Variants in ATP13A3 observed in about 807,000 individuals in gnomAD.
ATP13A3 encodes the protein ATPase 13A3, also known as polyamine-transporting ATPase 13A3.
A neutral mutation model predicts 158.1 loss-of-function variants in ATP13A3; 59 were observed. That is an observed-to-expected ratio of 0.37 (90% CI 0.30 to 0.46). ATP13A3 has a LOEUF of 0.46. Ranked by LOEUF, ATP13A3 falls within the 20% of genes least tolerant of loss-of-function variation. The pLI, the probability that ATP13A3 is intolerant of heterozygous loss-of-function variation, is 1.00. For synonymous variants in ATP13A3, 491 were observed against 504.3 expected, an observed-to-expected ratio of 0.97 and a Z score of 0.35; for missense variants, 1,166 against 1,525.2, an observed-to-expected ratio of 0.76 and a Z score of 3.92.
chr3:194,469,747 G>A (rs1216532083), intron 2 of ATP13A3, among the ~76,000 whole-genome samples: 1 of 152,064 alleles, frequency 6.6e-6, no homozygotes, highest in Non-Finnish European at 1.5e-5. Context: ...GTGCTTTAAT[G>A]ATCTTGAAAT....
At position 194,446,997 on chromosome 3, in the gene ATP13A3, A is replaced by C; in HGVS notation, c.1427T>G (p.Ile476Ser). Reference sequence around the variant, plus strand: ...TTGAGGACTGATACAGAAAATACCGATTTTTTTCAGTCTTCTCTGAGCATA... The same window carrying C: ...TTGAGGACTGATACAGAAAATACCGCTTTTTTTCAGTCTTCTCTGAGCATA... ...IVYAQRRLKK[I>S]GIFCISPQRI... Residue 476 changes from isoleucine to serine, a missense_variant, in exon 14 of 34, where the codon ATC becomes AGC. Transcript: ENST00000645319. The C allele has an allele frequency of 1.2e-6, 2 of 1,613,720 alleles. No individual in the cohort carries two copies. The highest frequency in any genetic ancestry group is 2.7e-5 in the African/African-American group (2 of 75,026).
chr3:194,460,063 T>C lies in ATP13A3; in HGVS notation c.226-92A>G, dbSNP rs563493044. On this transcript the variant is annotated intron_variant, in intron 4 of 33. Transcript: ENST00000645319. ...TTTTCCATTCTTTACAAGACATTAT[T>C]TCCTCATCTCTAATTGAGGAAACAT... The C allele has an allele frequency of 4.0e-5, 42 of 1,050,588 alleles. No homozygotes were observed. The South Asian group carries it at 7.0e-4, about 18-fold the overall frequency. 65.1% of individuals were successfully genotyped at this position (1,050,588 alleles called of 1,614,324 possible).
intron 2 of ATP13A3, 39 bp from the exon 3 acceptor site, chr3:194,462,275 T>C (rs1408459024): frequency 1.1e-5 from 15 of 1,318,320 alleles, no homozygotes; most frequent in Non-Finnish European, 1.5e-5. Context: ...GGAACTATCT[T>C]CTATCTTAGT....
intron 24 of ATP13A3, 160 bp downstream of exon 24, chr3:194,430,781 CTT>C (rs1052424719): frequency 7.7e-6 from 4 of 517,014 alleles, no homozygotes; most frequent in African/African-American, 4.0e-5. Flanking sequence ...ACATGAGACT[CTT>C]TTAAAGCGGC....
intron 15 of ATP13A3, among the ~76,000 whole-genome samples, chr3:194,444,518 T>G (rs1718265357): frequency 6.6e-6 from 1 of 152,124 alleles, no homozygotes; most frequent in African/African-American, 2.4e-5. Flanking sequence ...CAGTAGGAAT[T>G]GGGGAAGGGA....
rs559246034 is a variant in ATP13A3, at chr3:194,403,317, TC to T, written c.*2601del. ...ATAAAACTACTATAAAAGTATTTAT[TC>T]TGTTGTTGGCTTAGCCACTTGTATT... On this transcript the variant is annotated 3_prime_UTR_variant, in exon 34 of 34. Transcript: ENST00000645319. 136 of 152,370 alleles carry T rather than the reference TC, an allele frequency of 8.9e-4. No individual in the cohort carries two copies. Among genetic ancestry groups the T allele is most frequent in the African/African-American group, 3.1e-3 (130 of 41,594 alleles). The allele number at this position is 152,370 out of a possible 1,614,324, so 9.4% of individuals were successfully genotyped here.
chr3:194,431,628 T>C, intron 22 of ATP13A3, 89 bp downstream of exon 22: 3 of 1,289,914 alleles, frequency 2.3e-6, no homozygotes, highest in Non-Finnish European at 3.1e-6. Flanking sequence ...GTTTTTGCTT[T>C]ACTGTGTTTT....
intron 31 of ATP13A3, among the ~76,000 whole-genome samples, chr3:194,416,013 A>G (rs571522936): frequency 6.6e-6 from 1 of 152,276 alleles, no homozygotes; most frequent in Non-Finnish European, 1.5e-5. Context: ...AATCATAGCA[A>G]CCTAAATCCA....
At chr3:194,471,516 G>A (rs1010357542) in intron 2 of ATP13A3, among the ~76,000 whole-genome samples, 1 of 151,974 alleles carries the variant, frequency 6.6e-6, no homozygotes, top group African/African-American at 2.4e-5. Flanking sequence ...ATCACGCCCA[G>A]CAAATTTGTT....
chr3:194,484,286 G>C (rs903601575), intron 2 of ATP13A3, among the ~76,000 whole-genome samples: 2 of 152,102 alleles, frequency 1.3e-5, no homozygotes, highest in African/African-American at 4.8e-5. Flanking sequence ...TGAAAGTGTT[G>C]AGGATTAGTT....
At chr3:194,481,496 G>C (rs546690422) in intron 2 of ATP13A3, among the ~76,000 whole-genome samples, 1 of 152,044 alleles carries the variant, frequency 6.6e-6, no homozygotes, top group Non-Finnish European at 1.5e-5. Context: ...AGACCATAAA[G>C]GATCCTTTAT....
intron 16 of ATP13A3, among the ~76,000 whole-genome samples, chr3:194,440,279 A>C (rs1717954184): frequency 6.6e-6 from 1 of 152,212 alleles, no homozygotes. Flanking sequence ...TGAGCTAAAG[A>C]AAGCCAAACA....
chr3:194,447,580 GTT>G (rs369057743), intron 13 of ATP13A3, among the ~76,000 whole-genome samples: 1 of 142,768 alleles, frequency 7.0e-6, no homozygotes, highest in Admixed American at 7.0e-5. Flanking sequence ...TTTTTTTCCT[GTT>G]TTTTTTTTTT....
intron 11 of ATP13A3, 36 bp downstream of exon 11, chr3:194,450,109 G>A (rs1396145888): frequency 6.2e-7 from 1 of 1,604,958 alleles, no homozygotes; most frequent in African/African-American, 1.3e-5. Context: ...GATATATCAT[G>A]AACAACTCAT....
chr3:194,480,156 T>C (rs568765863), intron 2 of ATP13A3, among the ~76,000 whole-genome samples: 2 of 152,286 alleles, frequency 1.3e-5, no homozygotes, highest in Non-Finnish European at 2.9e-5. Flanking sequence ...CTCTTATCCT[T>C]ACAATTCTCT....
At chr3:194,485,066 A>AG in intron 2 of ATP13A3, among the ~76,000 whole-genome samples, 1 of 152,204 alleles carries the variant, frequency 6.6e-6, no homozygotes, top group East Asian at 1.9e-4. Flanking sequence ...CAAAAAAAAA[A>AG]AAAAAAATTT....
chr3:194,414,699 G>C (rs1448691846), intron 31 of ATP13A3, among the ~76,000 whole-genome samples: 2 of 152,164 alleles, frequency 1.3e-5, no homozygotes, highest in African/African-American at 2.4e-5. Flanking sequence ...AAAAGGCACA[G>C]ATAAATAGAC....
At chr3:194,429,860 C>A in intron 26 of ATP13A3, 86 bp from the exon 27 acceptor site, 3 of 1,216,590 alleles carry the variant, frequency 2.5e-6, no homozygotes, top group South Asian at 1.3e-5. Context: ...GACAGATGAA[C>A]ATCAACATTC....
At chr3:194,473,031 A>C (rs1364605614) in intron 2 of ATP13A3, among the ~76,000 whole-genome samples, 2 of 152,274 alleles carry the variant, frequency 1.3e-5, no homozygotes, top group East Asian at 1.9e-4. Context: ...AAGGGTACCT[A>C]TTGGGTACTC....
Sources: gnomAD v4.1 joint callset for allele counts (sites outside exome capture counted in the v4.1 genomes callset) on GRCh38, gnomAD v4.1.1 for gene constraint, MANE v1.5 for transcripts, NCBI Gene and HGNC (gene_info 2026-07-23, HGNC 2026-07-21) for gene names.